Variants in DCC observed in about 807,000 individuals in gnomAD.
DCC encodes the protein netrin receptor DCC.
In DCC, 58 loss-of-function variants were observed where a neutral mutation model predicts 172.5. That is an observed-to-expected ratio of 0.34 (90% confidence interval 0.27 to 0.42). The LOEUF (loss-of-function observed/expected upper bound fraction) is 0.42. Among genes scored for constraint, DCC ranks in the 10% least tolerant of loss-of-function variants. The pLI is 1.00. For synonymous variants in DCC, 709 were observed against 644.5 expected, an observed-to-expected ratio of 1.10 and a Z score of -1.52; for missense variants, 1,740 against 1,791.0, an observed-to-expected ratio of 0.97 and a Z score of 0.51.
At chr18:53,439,327 G>A (rs1334874945) in intron 22 of DCC, among the ~76,000 whole-genome samples, 1 of 152,186 alleles carries the variant, frequency 6.6e-6, no homozygotes, top group Non-Finnish European at 1.5e-5. Flanking sequence ...AGGCCCCTGA[G>A]TAATAAAACT....
intron 2 of DCC, among the ~76,000 whole-genome samples, chr18:52,894,548 G>A (rs72922279): frequency 0.021 from 3,166 of 151,842 alleles, 57 homozygotes; most frequent in Admixed American, 0.039. Context: ...TAGAGACAGA[G>A]AAAGAGATTG....
chr18:53,092,659 G>C (rs1422302798), intron 7 of DCC, among the ~76,000 whole-genome samples: 1 of 152,166 alleles, frequency 6.6e-6, no homozygotes, highest in Non-Finnish European at 1.5e-5. Flanking sequence ...AAGCATTTTA[G>C]ATGTGGAGTT....
At chr18:53,446,812 T>A (rs1912639486) in intron 22 of DCC, among the ~76,000 whole-genome samples, 1 of 152,174 alleles carries the variant, frequency 6.6e-6, no homozygotes, top group African/African-American at 2.4e-5. Context: ...AAAGTGCCCC[T>A]TTTTTGGTAT....
At chr18:52,699,488 A>C (rs2036071397) in intron 1 of DCC, among the ~76,000 whole-genome samples, 1 of 152,232 alleles carries the variant, frequency 6.6e-6, no homozygotes, top group African/African-American at 2.4e-5. Flanking sequence ...CATTAGCAGG[A>C]AGAATGTTAA....
chr18:53,356,944 A>G (rs938443874), intron 15 of DCC, among the ~76,000 whole-genome samples: 2 of 152,088 alleles, frequency 1.3e-5, no homozygotes, highest in Admixed American at 1.3e-4. Context: ...CAAAGTGCTC[A>G]CTTTATTTTT....
At position 52,820,186 on chromosome 18, in the gene DCC, A is replaced by G. The variant is rs376177789; in HGVS notation, c.412+67812A>G. 1.2e-3 allele frequency among the ~76,000 whole-genome samples: 180 copies of G among 152,318 alleles called. 12 individuals carry two copies. The South Asian group carries it at 0.035, about 30-fold the overall frequency. The stretch of plus-strand genomic sequence containing the variant: ...CATGAATTTAATATATGGGAAGGTT[A>G]ACAAGCAGAGTAAATGACCAAGTAT... On this transcript the variant is annotated intron_variant, in intron 2 of 28. Transcript: ENST00000442544.
At chr18:52,745,038 T>C (rs1281991683) in intron 1 of DCC, among the ~76,000 whole-genome samples, 1 of 152,200 alleles carries the variant, frequency 6.6e-6, no homozygotes, top group Non-Finnish European at 1.5e-5. Context: ...TTTTGCTTAA[T>C]GGGGTAAGGC....
intron 13 of DCC, among the ~76,000 whole-genome samples, chr18:53,312,225 C>T (rs1185547720): frequency 1.3e-5 from 2 of 148,698 alleles, no homozygotes; most frequent in African/African-American, 4.9e-5. Context: ...TCTGTAGTCC[C>T]GGCTACTCAG....
chr18:52,405,192 T>C (rs908577221), intron 1 of DCC, among the ~76,000 whole-genome samples: 4 of 150,404 alleles, frequency 2.7e-5, no homozygotes, highest in Admixed American at 2.7e-4. Context: ...ATGGGATGGC[T>C]GGGTCAAATG....
intron 22 of DCC, among the ~76,000 whole-genome samples, chr18:53,437,197 G>A (rs981954356): frequency 6.6e-6 from 1 of 152,030 alleles, no homozygotes; most frequent in Non-Finnish European, 1.5e-5. Context: ...TAAATAACAT[G>A]ACTGTCCCTG....
Position 52,811,794 on chromosome 18 carries a change from C to G in DCC, c.412+59420C>G, listed in dbSNP as rs569591434. On this transcript the variant is annotated intron_variant, in intron 2 of 28. Transcript: ENST00000442544. ...TTTTGCTTCAAACTTAGCTCTAATT[C>G]TCTTATATAATTGACATCAATCACA... 1.4e-4 allele frequency among the ~76,000 whole-genome samples: 22 copies of G among 152,130 alleles called. 1 individual carries two copies. The East Asian group carries it at 4.3e-3, about 29-fold the overall frequency.
At chr18:53,142,491 A>G (rs539985164) in intron 7 of DCC, among the ~76,000 whole-genome samples, 2 of 152,204 alleles carry the variant, frequency 1.3e-5, no homozygotes, top group African/African-American at 4.8e-5. Flanking sequence ...TCCTTTTATT[A>G]TATGTCTTCA....
At chr18:52,558,058 A>C (rs2032955331) in intron 1 of DCC, among the ~76,000 whole-genome samples, 1 of 152,114 alleles carries the variant, frequency 6.6e-6, no homozygotes, top group African/African-American at 2.4e-5. Context: ...TCAGAATTTT[A>C]ATTTGTGAGC....
chr18:52,437,218 T>C (rs903660549), intron 1 of DCC, among the ~76,000 whole-genome samples: 1 of 152,168 alleles, frequency 6.6e-6, no homozygotes, highest in Non-Finnish European at 1.5e-5. Flanking sequence ...GACATCTCCA[T>C]GGGAGATAGG....
At chr18:52,595,483 C>G (rs2033890344) in intron 1 of DCC, among the ~76,000 whole-genome samples, 1 of 152,112 alleles carries the variant, frequency 6.6e-6, no homozygotes, top group Non-Finnish European at 1.5e-5. Context: ...TTAAACTGAA[C>G]TTGCTCATTA....
intron 23 of DCC, among the ~76,000 whole-genome samples, chr18:53,452,663 T>C (rs749046788): frequency 3.9e-5 from 6 of 152,162 alleles, no homozygotes; most frequent in Non-Finnish European, 8.8e-5. Context: ...GAATAAGTGG[T>C]TCTATTAATG....
chr18:52,394,253 G>T (rs1342589146), intron 1 of DCC, among the ~76,000 whole-genome samples: 3 of 151,862 alleles, frequency 2.0e-5, no homozygotes, highest in Non-Finnish European at 2.9e-5. Flanking sequence ...ATTTGCAACA[G>T]AATTAGGATG....
intron 7 of DCC, among the ~76,000 whole-genome samples, chr18:53,149,291 T>G (rs1186735843): frequency 6.6e-6 from 1 of 152,214 alleles, no homozygotes; most frequent in Non-Finnish European, 1.5e-5. Flanking sequence ...GTTTATTGAA[T>G]GCAAATCATA....
chr18:53,249,673 C>T (rs529590093), intron 12 of DCC, among the ~76,000 whole-genome samples: 124 of 151,730 alleles, frequency 8.2e-4, no homozygotes, highest in African/African-American at 2.6e-3. Context: ...TAATAGGAGG[C>T]GTAACAGTAG....
Sources: allele counts gnomAD v4.1 joint callset (sites outside exome capture counted in the v4.1 genomes callset), GRCh38; gene constraint gnomAD v4.1.1; transcripts MANE v1.5; gene names NCBI Gene and HGNC (gene_info 2026-07-23, HGNC 2026-07-21).